Variants in STPG2 observed in about 807,000 individuals in gnomAD.
STPG2 encodes the protein sperm-tail PG-rich repeat-containing protein 2.
STPG2 carries 56 observed loss-of-function variants against 54.2 expected under a neutral mutation model. That is an observed-to-expected ratio of 1.03 (90% CI 0.83 to 1.29). The LOEUF is 1.29. STPG2 is among the 50% of genes most tolerant of loss of function. STPG2 has a pLI of 0.00. For missense variants in STPG2, 596 were observed against 544.9 expected (o/e 1.09, Z -0.93); for synonymous variants, 200 against 181.8 (o/e 1.10, Z -0.81).
intron 4 of STPG2, among the ~76,000 whole-genome samples, chr4:97,472,414 C>T (rs1316762569): frequency 6.6e-6 from 1 of 152,160 alleles, no homozygotes; most frequent in Non-Finnish European, 1.5e-5. Flanking sequence ...ACATCTAGTG[C>T]TTTCAGCAGG....
Position 97,716,469 on chromosome 4 carries a change from C to T in STPG2, c.1205-3655G>A, listed in dbSNP as rs565278010. Reference sequence around the variant, plus strand: ...AACCCAAATGCCCATCAATGATAGACTAGATAAAGAAAATGTGGCACATAT... The same window carrying T: ...AACCCAAATGCCCATCAATGATAGATTAGATAAAGAAAATGTGGCACATAT... On this transcript the variant is annotated intron_variant, in intron 9 of 10. Coordinates refer to ENST00000295268, the MANE Select transcript of STPG2 (RefSeq NM_174952.3). 4.1e-3 allele frequency among the ~76,000 whole-genome samples: 627 copies of T among 152,102 alleles called. 3 individuals carry two copies. Among genetic ancestry groups the T allele is most frequent in the South Asian group, 0.02 (98 of 4,818 alleles).
chr4:97,917,003 TG>T (rs1043801889), intron 8 of STPG2: 17 of 152,888 alleles, frequency 1.1e-4, no homozygotes, highest in African/African-American at 3.6e-4. Context: ...AGAACTTTTC[TG>T]GAATCTGCCA....
chr4:97,695,577 T>G (rs1723542864), intron 10 of STPG2, among the ~76,000 whole-genome samples: 1 of 152,150 alleles, frequency 6.6e-6, no homozygotes, highest in African/African-American at 2.4e-5. Flanking sequence ...GCTGATGATA[T>G]GACAGTATAC....
At chr4:97,798,161 G>C (rs1486389597) in intron 9 of STPG2, among the ~76,000 whole-genome samples, 3 of 152,012 alleles carry the variant, frequency 2.0e-5, no homozygotes, top group Admixed American at 6.6e-5. Context: ...TTTTTGAAGG[G>C]ATTTTTGTGT....
At chr4:97,886,427 G>A (rs1730572609) in intron 8 of STPG2, among the ~76,000 whole-genome samples, 1 of 152,030 alleles carries the variant, frequency 6.6e-6, no homozygotes, top group Non-Finnish European at 1.5e-5. Flanking sequence ...AAAGTAAAAA[G>A]GCAATAAAAT....
At chr4:97,544,248 C>T (rs11935623) in intron 4 of STPG2, among the ~76,000 whole-genome samples, 2,620 of 151,984 alleles carry the variant, frequency 0.017, 67 homozygotes, top group African/African-American at 0.058. Context: ...TGGAGATATC[C>T]GTAAAAGTAT....
intron 10 of STPG2, among the ~76,000 whole-genome samples, chr4:97,707,906 G>A (rs925117967): frequency 6.6e-6 from 1 of 152,094 alleles, no homozygotes; most frequent in Non-Finnish European, 1.5e-5. Context: ...ATTTTTAAAA[G>A]TAAAGACAAT....
chr4:97,771,063 G>A (rs1253910333), intron 9 of STPG2, among the ~76,000 whole-genome samples: 1 of 152,162 alleles, frequency 6.6e-6, no homozygotes, highest in Admixed American at 6.5e-5. Context: ...TTCAGCTTAA[G>A]ATTTGGTTTT....
intron 10 of STPG2, among the ~76,000 whole-genome samples, chr4:97,596,132 G>T (rs1733283853): frequency 6.6e-6 from 1 of 152,030 alleles, no homozygotes; most frequent in African/African-American, 2.4e-5. Flanking sequence ...AATTTCAGAT[G>T]AAACAGACTT....
chr4:97,993,972 C>G (rs768675580), intron 5 of STPG2, among the ~76,000 whole-genome samples: 10 of 151,976 alleles, frequency 6.6e-5, no homozygotes, highest in Non-Finnish European at 1.3e-4. Flanking sequence ...TGGATCTTCT[C>G]TCTTCATTTC....
chr4:97,718,870 A>T (rs1409646565), intron 9 of STPG2, among the ~76,000 whole-genome samples: 1 of 151,962 alleles, frequency 6.6e-6, no homozygotes, highest in Non-Finnish European at 1.5e-5. Context: ...ATTCAGCAGC[A>T]TTCTTCCCTT....
At chr4:97,491,959 T>TA (rs1198024012) in intron 4 of STPG2, among the ~76,000 whole-genome samples, 3 of 151,398 alleles carry the variant, frequency 2.0e-5, no homozygotes, top group African/African-American at 7.3e-5. Flanking sequence ...AATGGTGCCC[T>TA]AGGATAAATG....
intron 10 of STPG2, among the ~76,000 whole-genome samples, chr4:97,565,873 A>C (rs574290528): frequency 6.6e-6 from 1 of 151,892 alleles, no homozygotes; most frequent in East Asian, 1.9e-4. Context: ...TAGGCTGCTC[A>C]GAGGTCAGGG....
chr4:97,709,285 A>C (rs1310675733), intron 10 of STPG2, among the ~76,000 whole-genome samples: 2 of 151,692 alleles, frequency 1.3e-5, no homozygotes, highest in Non-Finnish European at 3.0e-5. Flanking sequence ...AAGAATCTCA[A>C]TTTTTAAATT....
At chr4:97,640,428 T>C (rs990034868) in intron 10 of STPG2, among the ~76,000 whole-genome samples, 42 of 151,912 alleles carry the variant, frequency 2.8e-4, no homozygotes, top group Non-Finnish European at 4.3e-4. Context: ...TACAGAAAAG[T>C]GAACATTCTC....
intron 5 of STPG2, among the ~76,000 whole-genome samples, chr4:98,096,031 ATGG>A (rs2110131052): frequency 6.6e-6 from 1 of 152,332 alleles, no homozygotes; most frequent in South Asian, 2.1e-4. Context: ...ATACAAACAC[ATGG>A]AAATTAAGCA....
chr4:97,965,447 C>A (rs1363309817), intron 7 of STPG2, among the ~76,000 whole-genome samples: 2 of 152,222 alleles, frequency 1.3e-5, no homozygotes, highest in African/African-American at 4.8e-5. Flanking sequence ...ACAGCTTCTG[C>A]AGACTTAAAT....
chr4:97,921,317 C>T (rs1159580158), intron 8 of STPG2, among the ~76,000 whole-genome samples: 1 of 152,124 alleles, frequency 6.6e-6, no homozygotes, highest in African/African-American at 2.4e-5. Context: ...TAGTCCAGAC[C>T]TACCCCAGTT....
At chr4:97,558,588 A>G (rs1368479780), downstream of STPG2, among the ~76,000 whole-genome samples, 1 of 152,198 alleles carries the variant, frequency 6.6e-6, no homozygotes, top group Non-Finnish European at 1.5e-5. Context: ...CCTCCAGCCA[A>G]CAGCCAAGGA....
Sources: gnomAD v4.1 joint callset for allele counts (sites outside exome capture counted in the v4.1 genomes callset) on GRCh38, gnomAD v4.1.1 for gene constraint, MANE v1.5 for transcripts, NCBI Gene and HGNC (gene_info 2026-07-23, HGNC 2026-07-21) for gene names.